The following PDE4D variants were observed in gnomAD, a reference collection of about 807,000 sequenced individuals.
The protein encoded by PDE4D is 3',5'-cyclic-AMP phosphodiesterase 4D.
Under a neutral mutation model 87.4 loss-of-function variants are expected in PDE4D, and 24 were observed. The observed-to-expected ratio is 0.27, with a 90% CI of 0.20 to 0.39. The LOEUF is 0.39. PDE4D is among the 10% of genes least tolerant of loss of function. The pLI, the probability that PDE4D is intolerant of heterozygous loss-of-function variation, is 1.00. For synonymous variants in PDE4D, 384 were observed against 383.2 expected (o/e 1.00, Z -0.02); for missense variants, 714 against 1,041.0 (o/e 0.69, Z 4.32).
intron 1 of PDE4D, among the ~76,000 whole-genome samples, chr5:59,416,221 C>T (rs1004079566): frequency 4.6e-5 from 7 of 152,180 alleles, no homozygotes. Context: ...TCATTCACAT[C>T]TGTTTCTGTC....
intron 6 of PDE4D, among the ~76,000 whole-genome samples, chr5:58,995,318 C>A (rs1157722560): frequency 6.6e-6 from 1 of 151,948 alleles, no homozygotes; most frequent in African/African-American, 2.4e-5. Flanking sequence ...TTTTTTCTAC[C>A]CTTGTATGTG....
At chr5:59,751,212 T>C (rs1254106203) in intron 1 of PDE4D, among the ~76,000 whole-genome samples, 1 of 152,206 alleles carries the variant, frequency 6.6e-6, no homozygotes, top group Admixed American at 6.5e-5. Flanking sequence ...TGTATACTTT[T>C]GCAATTCAGT....
At chr5:59,265,544 G>A (rs775250334) in intron 1 of PDE4D, among the ~76,000 whole-genome samples, 3 of 152,058 alleles carry the variant, frequency 2.0e-5, no homozygotes, top group Non-Finnish European at 4.4e-5. Flanking sequence ...ATACCAATGT[G>A]TAAACTTCAA....
intron 1 of PDE4D, among the ~76,000 whole-genome samples, chr5:59,558,201 C>A (rs1033839286): frequency 6.6e-6 from 1 of 152,048 alleles, no homozygotes; most frequent in Admixed American, 6.6e-5. Flanking sequence ...TGTTGGAGTT[C>A]ACATTCCAGT....
chr5:59,519,710 A>T (rs908860970), intron 1 of PDE4D, among the ~76,000 whole-genome samples: 4 of 152,232 alleles, frequency 2.6e-5, no homozygotes, highest in African/African-American at 9.6e-5. Context: ...GAGCAACACG[A>T]TGTGAACTAA....
At chr5:60,058,408 G>C (rs1312165527) in intron 2 of PDE4D, among the ~76,000 whole-genome samples, 1 of 151,906 alleles carries the variant, frequency 6.6e-6, no homozygotes, top group Non-Finnish European at 1.5e-5. Flanking sequence ...CATCTTCAGA[G>C]TTAAATAATA....
intron 1 of PDE4D, among the ~76,000 whole-genome samples, chr5:60,426,332 A>G (rs1211817894): frequency 6.6e-6 from 1 of 152,256 alleles, no homozygotes; most frequent in Non-Finnish European, 1.5e-5. Flanking sequence ...CATATATACC[A>G]TGGAATACTA....
rs201697322 is a variant in PDE4D at position 59,771,132 on chromosome 5, A to AAAATAAATAAAT, written c.455+122024_455+122035dup. ...GCATGACAGAGCGAGACCCAGCCTC[A>AAAATAAATAAAT]AAATAAATAAATAAATAAATAAATA... On this transcript the variant is annotated intron_variant, in intron 1 of 14. Transcript: ENST00000340635. Among the ~76,000 whole-genome samples, 606 of 143,232 alleles carry AAAATAAATAAAT rather than the reference A, an allele frequency of 4.2e-3. 4 individuals carry two copies. The highest frequency in any genetic ancestry group is 9.7e-3 in the African/African-American group (368 of 37,834). 94.0% of individuals were successfully genotyped at this position (143,232 alleles called of 152,430 possible). A position where few individuals can be genotyped will look rare whatever the true frequency, so the allele number is the denominator to read the frequency against.
intron 1 of PDE4D, among the ~76,000 whole-genome samples, chr5:59,357,175 T>C (rs1018747997): frequency 2.6e-5 from 4 of 152,040 alleles, no homozygotes; most frequent in African/African-American, 9.7e-5. Flanking sequence ...CACATGCCAC[T>C]CCTGAAAAGC....
In PDE4D at chr5:59,126,095, T is replaced by TAAA. The variant is rs72194172; in HGVS notation, c.808+54497_808+54499dup. 9.0e-4 allele frequency among the ~76,000 whole-genome samples: 115 copies of TAAA among 127,858 alleles called. 2 individuals are homozygous for TAAA. The highest frequency in any genetic ancestry group is 8.9e-3 in the South Asian group (33 of 3,690). The allele number at this position is 127,858 out of a possible 152,430, so 83.9% of individuals were successfully genotyped here. On this transcript the variant is annotated intron_variant, in intron 5 of 14. Transcript: ENST00000340635. ...TCCTTTATTCTTTTAAGTACAATTG[T>TAAA]AAAAAAAAAAAAAGAGAGAGAGAGA...
At chr5:59,479,734 T>C (rs1803928164) in intron 1 of PDE4D, among the ~76,000 whole-genome samples, 2 of 152,228 alleles carry the variant, frequency 1.3e-5, no homozygotes, top group Middle Eastern at 3.4e-3. Flanking sequence ...AGTGGTAAAA[T>C]AAACCGTATT....
At chr5:59,299,012 T>G (rs1769657690) in intron 1 of PDE4D, among the ~76,000 whole-genome samples, 1 of 152,236 alleles carries the variant, frequency 6.6e-6, no homozygotes. Flanking sequence ...AAAATACTTG[T>G]ATACACATGC....
At chr5:59,185,115 C>T (rs1013824480) in intron 4 of PDE4D, 74 bp downstream of exon 4, 1 of 1,153,938 alleles carries the variant, frequency 8.7e-7, no homozygotes, top group Non-Finnish European at 1.3e-6. Context: ...AACATATTGC[C>T]TTGGGCTCAA....
chr5:60,283,875 G>A (rs576118785), intron 1 of PDE4D, among the ~76,000 whole-genome samples: 68 of 152,096 alleles, frequency 4.5e-4, no homozygotes, highest in African/African-American at 1.6e-3. Flanking sequence ...TGAGGACTGC[G>A]TGTATTTCCT....
intron 6 of PDE4D, among the ~76,000 whole-genome samples, chr5:59,022,142 T>A (rs1029864809): frequency 6.6e-6 from 1 of 152,190 alleles, no homozygotes; most frequent in Non-Finnish European, 1.5e-5. Context: ...CAGCTGACTG[T>A]CTGTTCTTCC....
intron 6 of PDE4D, among the ~76,000 whole-genome samples, chr5:58,998,255 T>C (rs995027695): frequency 1.3e-5 from 2 of 152,164 alleles, no homozygotes; most frequent in South Asian, 4.1e-4. Context: ...ACTAAAATTC[T>C]ATATGTAGAT....
chr5:59,879,438 C>T (rs1188314735), intron 1 of PDE4D, among the ~76,000 whole-genome samples: 3 of 152,210 alleles, frequency 2.0e-5, no homozygotes. Flanking sequence ...CAGTTTTTAA[C>T]TATCTACTTA....
intron 3 of PDE4D, among the ~76,000 whole-genome samples, chr5:59,919,502 G>A (rs1361837134): frequency 6.6e-6 from 1 of 152,086 alleles, no homozygotes; most frequent in Non-Finnish European, 1.5e-5. Flanking sequence ...TGCATAAATG[G>A]TCATCCCTAT....
chr5:59,762,680 G>A (rs1455357172), intron 1 of PDE4D, among the ~76,000 whole-genome samples: 3 of 148,130 alleles, frequency 2.0e-5, no homozygotes, highest in South Asian at 2.1e-4. Flanking sequence ...ATGTGTATAT[G>A]TGTATATAGG....
Sources: gnomAD v4.1 joint callset for allele counts (sites outside exome capture counted in the v4.1 genomes callset) on GRCh38, gnomAD v4.1.1 for gene constraint, MANE v1.5 for transcripts, NCBI Gene and HGNC (gene_info 2026-07-23, HGNC 2026-07-21) for gene names.